Variants in DLEC1 observed in about 807,000 individuals in gnomAD.
The protein encoded by DLEC1 is DLEC1 cilia and flagella associated protein.
In DLEC1, 146 loss-of-function variants were observed where a neutral mutation model predicts 198.1. The ratio of observed to expected loss-of-function variants is 0.74; its 90% confidence interval spans 0.64 to 0.85. The LOEUF is 0.85. Ranked by LOEUF, DLEC1 falls within the 40% of genes least tolerant of loss-of-function variation. DLEC1 has a pLI of 0.00. For synonymous variants in DLEC1, 897 were observed against 866.8 expected (o/e 1.03, Z -0.61); for missense variants, 2,233 against 2,220.0 (o/e 1.01, Z -0.12).
intron 2 of DLEC1, among the ~76,000 whole-genome samples, chr3:38,053,616 T>TG (rs1159622333): frequency 2.1e-4 from 21 of 97,858 alleles, no homozygotes; most frequent in African/African-American, 4.3e-4. Context: ...ATCCGGGAGG[T>TG]GGGGGGCGCC....
At chr3:38,049,785 A>G (rs1419170298) in intron 2 of DLEC1, among the ~76,000 whole-genome samples, 2 of 152,200 alleles carry the variant, frequency 1.3e-5, no homozygotes, top group Non-Finnish European at 2.9e-5. Context: ...TATCCTTTGT[A>G]TAGAAGTCTT....
At chr3:38,073,383 CT>C (rs1400868758) in intron 6 of DLEC1, among the ~76,000 whole-genome samples, 1 of 152,072 alleles carries the variant, frequency 6.6e-6, no homozygotes, top group Non-Finnish European at 1.5e-5. Context: ...GGCTTTAATC[CT>C]TTTAAAGTGT....
intron 1 of DLEC1, among the ~76,000 whole-genome samples, chr3:38,039,865 A>G (rs2125563490): frequency 6.6e-6 from 1 of 152,342 alleles, no homozygotes; most frequent in Non-Finnish European, 1.5e-5. Flanking sequence ...TATCTGTAGC[A>G]CCTGTCTATA....
chr3:38,063,878 A>G lies in DLEC1; in HGVS notation c.1132A>G (p.Ile378Val), dbSNP rs1360446242. 5 of 1,613,314 alleles carry G rather than the reference A, an allele frequency of 3.1e-6. No individual in the cohort carries two copies. Among genetic ancestry groups the G allele is most frequent in the East Asian group, 4.5e-5 (2 of 44,832 alleles). Residue 378 changes from isoleucine to valine, a missense_variant, in exon 6 of 37, where the codon ATT (isoleucine) becomes GTT (valine). Ile to Val is a conservative substitution (Grantham distance 29, BLOSUM62 3). Coordinates refer to ENST00000308059, the MANE Select transcript of DLEC1 (RefSeq NM_007335.4). ...DTPVFLAKPP[I>V]GFFTDYEIGP... is the part of the protein sequence containing the mutation. ...TCCAGTGTTTCTAGCTAAGCCACCA[A>G]TTGGGTTTTTCACAGATTATGAAAT...
intron 35 of DLEC1, 24 bp downstream of exon 35, chr3:38,121,805 C>G: frequency 6.2e-7 from 1 of 1,612,146 alleles, no homozygotes; most frequent in Non-Finnish European, 8.5e-7. Context: ...TGCCACCTAC[C>G]CACCGTTCCC....
At chr3:38,117,721 AG>A in intron 32 of DLEC1, 84 bp from the exon 33 acceptor site, 2 of 1,382,628 alleles carry the variant, frequency 1.4e-6, no homozygotes, top group African/African-American at 1.4e-5. Context: ...CCCCTCCCCC[AG>A]CCCTCCCAGC....
intron 2 of DLEC1, among the ~76,000 whole-genome samples, chr3:38,054,204 A>C (rs557872104): frequency 2.2e-4 from 16 of 71,570 alleles, no homozygotes; most frequent in Admixed American, 4.8e-4. Context: ...TACTAAAAAA[A>C]AAAACAAAAC....
At chr3:38,064,476 T>C (rs1696885524) in intron 6 of DLEC1, among the ~76,000 whole-genome samples, 1 of 152,220 alleles carries the variant, frequency 6.6e-6, no homozygotes, top group Non-Finnish European at 1.5e-5. Context: ...CTTTTCTATT[T>C]GACAAAACCG....
rs764083181 is a variant in DLEC1, at chr3:38,059,695, G to A, written c.563-47G>A. On this transcript the variant is annotated intron_variant, in intron 2 of 36. Coordinates refer to ENST00000308059, the MANE Select transcript of DLEC1 (RefSeq NM_007335.4). ...AAAGTTTGGGTGTGGGTTCTTCAAA[G>A]TCAGTCTGGCTGGAAACACCTTGTT... is the stretch of plus-strand genomic sequence containing the variant. 1.6e-5 allele frequency: 24 copies of A among 1,542,100 alleles called. No individual in the cohort carries two copies. The Middle Eastern group carries it at 5.1e-4, about 33-fold the overall frequency.
At chr3:38,065,706 A>G (rs1310842222) in intron 6 of DLEC1, among the ~76,000 whole-genome samples, 1 of 152,238 alleles carries the variant, frequency 6.6e-6, no homozygotes, top group Non-Finnish European at 1.5e-5. Flanking sequence ...ACACCCAGCC[A>G]TATTAATAAT....
intron 1 of DLEC1, among the ~76,000 whole-genome samples, chr3:38,040,201 C>T (rs866710731): frequency 1.3e-5 from 2 of 152,198 alleles, no homozygotes; most frequent in Non-Finnish European, 1.5e-5. Context: ...GATCCTTTAC[C>T]CCGGTGTGCT....
At chr3:38,062,489 T>G in intron 4 of DLEC1, 92 bp from the exon 5 acceptor site, 1 of 1,576,262 alleles carries the variant, frequency 6.3e-7, no homozygotes, top group Non-Finnish European at 8.7e-7. Context: ...AGAGCTTGTG[T>G]TGGCCATCTA....
Position 38,123,451 on chromosome 3 carries a change from G to C in DLEC1, c.*1039G>C. Reference sequence around the variant, plus strand: ...AATCCCAAACACAATCATCCCAAATGTTGAAATCCTGGAAGAACAAAATCC... The same window carrying C: ...AATCCCAAACACAATCATCCCAAATCTTGAAATCCTGGAAGAACAAAATCC... On this transcript the variant is annotated 3_prime_UTR_variant, in exon 37 of 37. Coordinates refer to ENST00000308059, the MANE Select transcript of DLEC1 (RefSeq NM_007335.4). 4.5e-6 allele frequency: 1 copy of C among 222,788 alleles called. No individual in the cohort carries two copies. The highest frequency in any genetic ancestry group is 8.8e-6 in the Non-Finnish European group (1 of 113,962). The allele number at this position is 222,788 out of a possible 1,614,324, so 13.8% of individuals were successfully genotyped here.
Position 38,122,653 on chromosome 3 carries a change from C to T in DLEC1, c.*241C>T. 1 of 1,469,608 alleles carries T rather than the reference C, an allele frequency of 6.8e-7. No homozygotes were observed. The allele number at this position is 1,469,608 out of a possible 1,614,324, so 91.0% of individuals were successfully genotyped here. On this transcript the variant is annotated 3_prime_UTR_variant, in exon 37 of 37. Coordinates refer to ENST00000308059, the MANE Select transcript of DLEC1 (RefSeq NM_007335.4). Reference sequence around the variant, plus strand: ...AGACCACCACATTGAGATCACTACTCAGTGCATAGCGAAGACCAGTATGGC... The same window carrying T: ...AGACCACCACATTGAGATCACTACTTAGTGCATAGCGAAGACCAGTATGGC...
Position 38,123,163 on chromosome 3 carries a change from C to G in DLEC1, c.*751C>G. 1 of 1,588,734 alleles carries G rather than the reference C, an allele frequency of 6.3e-7. No individual in the cohort carries two copies. The highest frequency in any genetic ancestry group is 8.6e-7 in the Non-Finnish European group (1 of 1,157,008). On this transcript the variant is annotated 3_prime_UTR_variant, in exon 37 of 37. Transcript: ENST00000308059. ...TTAATTGGCTGGGCAAAGGCACCCACCAAATTACCTCCAGACCAGGCTGAC... is the reference window on the plus strand; with the variant it reads ...TTAATTGGCTGGGCAAAGGCACCCAGCAAATTACCTCCAGACCAGGCTGAC...
intron 14 of DLEC1, among the ~76,000 whole-genome samples, 162 bp from the exon 15 acceptor site, chr3:38,096,407 C>T (rs1052953911): frequency 6.6e-6 from 1 of 152,178 alleles, no homozygotes; most frequent in African/African-American, 2.4e-5. Context: ...GTGCTTATCA[C>T]CTTTCAGGCA....
At position 38,059,754 on chromosome 3, in the gene DLEC1, C is replaced by T. The variant is rs34012183; in HGVS notation, c.575C>T (p.Ser192Phe). ...LVRLPPVKSV[S>F]RWCIDSELLR... ...CCCTTCTATGAAGTGAAGAGTGTCT[C>T]CAGATGGTGTATAGACAGCGAGTTG... The change falls in exon 3 of 37, where the codon TCC becomes TTC. Residue 192 changes from serine (S) to phenylalanine (F), a missense_variant. By Grantham distance (155) the Ser-to-Phe change is radical (BLOSUM62 -2). Transcript: ENST00000308059. The T allele has an allele frequency of 2.6e-3, 4,158 of 1,613,884 alleles. 72 individuals are homozygous for T. In the African/African-American group the frequency reaches 0.043, roughly 17 times the overall value.
chr3:38,100,345 G>C lies in DLEC1; in HGVS notation c.2784G>C (p.Arg928Ser). 2 of 1,613,996 alleles carry C rather than the reference G, an allele frequency of 1.2e-6. No homozygotes were observed. Among genetic ancestry groups the C allele is most frequent in the Non-Finnish European group, 1.7e-6 (2 of 1,180,002 alleles). The change falls in exon 19 of 37, where the codon AGG (arginine) becomes AGC (serine). Residue 928 changes from arginine to serine, a missense_variant. Physicochemically the swap from Arg to Ser is moderately radical, Grantham distance 110 (BLOSUM62 -1). Coordinates refer to ENST00000308059, the MANE Select transcript of DLEC1 (RefSeq NM_007335.4). ...SGQLHSLGEC[R>S]VDITLEALHC... ...AGCTTCACTCTCTGGGGGAGTGCAG[G>C]GTGGACATCACCTTGGAGGCCCTGC...
rs752523941 is a variant in DLEC1, at chr3:38,117,492, C to A, written c.4401-35C>A. 1.9e-6 allele frequency: 3 copies of A among 1,613,836 alleles called. No homozygotes were observed. The Admixed American group carries it at 5.0e-5, about 27-fold the overall frequency. On this transcript the variant is annotated intron_variant, in intron 31 of 36. Coordinates refer to ENST00000308059, the MANE Select transcript of DLEC1 (RefSeq NM_007335.4). ...GGGGGCAGCCAGAAGGCCCCAGGCG[C>A]CCGGCTTGCCCCAACAATGCCTATT...
Sources: gnomAD v4.1 joint callset for allele counts (sites outside exome capture counted in the v4.1 genomes callset) on GRCh38, gnomAD v4.1.1 for gene constraint, MANE v1.5 for transcripts, NCBI Gene and HGNC (gene_info 2026-07-23, HGNC 2026-07-21) for gene names.